The following ATP6V1H variants were observed in gnomAD, a reference collection of about 807,000 sequenced individuals.
The protein encoded by ATP6V1H is ATPase H+ transporting V1 subunit H.
Under a neutral mutation model 71.7 loss-of-function variants are expected in ATP6V1H, and 39 were observed. The observed-to-expected ratio is 0.54, with a 90% CI of 0.42 to 0.71. The LOEUF (loss-of-function observed/expected upper bound fraction) is 0.71. Among genes scored for constraint, ATP6V1H ranks in the 30% least tolerant of loss-of-function variants. The pLI is 0.00. For synonymous variants in ATP6V1H, 192 were observed against 199.3 expected, an observed-to-expected ratio of 0.96 and a Z score of 0.31; for missense variants, 509 against 594.9, an observed-to-expected ratio of 0.86 and a Z score of 1.50.
intron 7 of ATP6V1H, among the ~76,000 whole-genome samples, chr8:53,810,468 G>A (rs774940730): frequency 3.4e-4 from 52 of 152,164 alleles, no homozygotes; most frequent in African/African-American, 1.3e-3. Context: ...AAGGCCTGGC[G>A]TGGTGGCTCA....
At chr8:53,737,434 G>A (rs1184972788) in intron 13 of ATP6V1H, among the ~76,000 whole-genome samples, 2 of 152,174 alleles carry the variant, frequency 1.3e-5, no homozygotes, top group Non-Finnish European at 2.9e-5. Context: ...ACACTGAAAT[G>A]TTTTCTCAGA....
chr8:53,837,626 G>C (rs1045277336), intron 2 of ATP6V1H, among the ~76,000 whole-genome samples: 1 of 152,166 alleles, frequency 6.6e-6, no homozygotes, highest in African/African-American at 2.4e-5. Flanking sequence ...GGTCCAAGGA[G>C]CTGAGGTTTG....
intron 2 of ATP6V1H, among the ~76,000 whole-genome samples, chr8:53,837,907 G>C (rs1196203382): frequency 6.6e-6 from 1 of 152,154 alleles, no homozygotes; most frequent in African/African-American, 2.4e-5. Context: ...AGAATGTGTT[G>C]ATGGGCTGGA....
intron 12 of ATP6V1H, among the ~76,000 whole-genome samples, chr8:53,745,843 T>G (rs1270241602): frequency 6.6e-6 from 1 of 152,234 alleles, no homozygotes; most frequent in Non-Finnish European, 1.5e-5. Context: ...GCTGGGGATG[T>G]GTCCATTAGC....
intron 13 of ATP6V1H, among the ~76,000 whole-genome samples, chr8:53,736,186 A>T (rs1280769505): frequency 6.6e-6 from 1 of 152,300 alleles, no homozygotes; most frequent in African/African-American, 2.4e-5. Flanking sequence ...CTTATATATA[A>T]GTGTCCCCAC....
intron 13 of ATP6V1H, among the ~76,000 whole-genome samples, chr8:53,730,979 T>C (rs2130126343): frequency 6.6e-6 from 1 of 152,154 alleles, no homozygotes; most frequent in South Asian, 2.1e-4. Flanking sequence ...AAAATAAAAA[T>C]CCAAAAAGAA....
At chr8:53,742,444 G>A (rs932426768) in intron 13 of ATP6V1H, among the ~76,000 whole-genome samples, 1 of 152,180 alleles carries the variant, frequency 6.6e-6, no homozygotes, top group Non-Finnish European at 1.5e-5. Context: ...TAATAGAGCT[G>A]TATGGCTGGT....
intron 4 of ATP6V1H, among the ~76,000 whole-genome samples, chr8:53,826,947 G>A (rs1669116162): frequency 6.8e-6 from 1 of 147,844 alleles, no homozygotes. Flanking sequence ...ACGGAATTCT[G>A]TCTCAAAAAA....
chr8:53,755,707 TATATATATATATATATATATATATATA>T (rs1808002447), intron 12 of ATP6V1H, among the ~76,000 whole-genome samples: 1 of 4,320 alleles, frequency 2.3e-4, no homozygotes, highest in African/African-American at 1.0e-3. Context: ...TATATATATA[TATATATATATATATATATATATATATA>T]TATATATATA....
chr8:53,717,105 C>T lies in ATP6V1H; in HGVS notation c.1392-1081G>A, dbSNP rs1171419061. ...TATCGCCTATCAACTGTGTGAGCAT[C>T]GCCAAGAAACCACCTTTGGGGGCCA... On this transcript the variant is annotated intron_variant, in intron 13 of 13. Coordinates refer to ENST00000359530, the MANE Select transcript of ATP6V1H (RefSeq NM_015941.4). 2.0e-5 allele frequency among the ~76,000 whole-genome samples: 3 copies of T among 152,278 alleles called. No individual in the cohort carries two copies. The South Asian group carries it at 6.2e-4, about 32-fold the overall frequency.
At chr8:53,822,903 T>C (rs1032252616) in intron 4 of ATP6V1H, among the ~76,000 whole-genome samples, 3 of 152,180 alleles carry the variant, frequency 2.0e-5, no homozygotes, top group African/African-American at 4.8e-5. Context: ...AGGGACACTT[T>C]TAATGATAAA....
chr8:53,737,856 T>A (rs936642364), intron 13 of ATP6V1H, among the ~76,000 whole-genome samples: 1 of 152,150 alleles, frequency 6.6e-6, no homozygotes, highest in Non-Finnish European at 1.5e-5. Flanking sequence ...CTTAAGACAA[T>A]AGGCTGATAC....
intron 9 of ATP6V1H, among the ~76,000 whole-genome samples, chr8:53,785,852 G>A (rs997434971): frequency 2.5e-4 from 38 of 152,274 alleles, no homozygotes; most frequent in African/African-American, 7.9e-4. Context: ...GCAGAACAGC[G>A]GATATTCGTG....
intron 3 of ATP6V1H, among the ~76,000 whole-genome samples, chr8:53,829,980 T>C (rs1398428069): frequency 6.6e-6 from 1 of 152,118 alleles, no homozygotes; most frequent in East Asian, 1.9e-4. Context: ...TGACAACCTC[T>C]CCATAATTCA....
At chr8:53,766,364 C>A (rs373301412) in intron 11 of ATP6V1H, among the ~76,000 whole-genome samples, 5 of 152,326 alleles carry the variant, frequency 3.3e-5, no homozygotes, top group East Asian at 3.9e-4. Context: ...ATCTCTTAAT[C>A]CTGTCAGTTG....
At chr8:53,807,475 T>C (rs1036412497) in intron 7 of ATP6V1H, among the ~76,000 whole-genome samples, 2 of 151,948 alleles carry the variant, frequency 1.3e-5, no homozygotes, top group Non-Finnish European at 2.9e-5. Context: ...TTCCTCTCAA[T>C]CTAAAATACT....
At chr8:53,725,365 T>C (rs769739696) in intron 13 of ATP6V1H, among the ~76,000 whole-genome samples, 2 of 152,120 alleles carry the variant, frequency 1.3e-5, no homozygotes, top group East Asian at 1.9e-4. Flanking sequence ...CCCCTCAACC[T>C]TGACTTCTCA....
chr8:53,816,357 C>A (rs1401118996), intron 5 of ATP6V1H, among the ~76,000 whole-genome samples: 1 of 152,220 alleles, frequency 6.6e-6, no homozygotes, highest in Non-Finnish European at 1.5e-5. Context: ...ATGCCCCCAA[C>A]AGCTCCTGCC....
At position 53,743,934 on chromosome 8, in the gene ATP6V1H, C is replaced by T. The variant is rs148554090; in HGVS notation, c.1278-244G>A. Among the ~76,000 whole-genome samples the T allele has an allele frequency of 3.8e-3, 573 of 152,226 alleles. 1 individual carries two copies. Among genetic ancestry groups the T allele is most frequent in the Non-Finnish European group, 6.9e-3 (466 of 68,020 alleles). On this transcript the variant is annotated intron_variant, in intron 12 of 13. Transcript: ENST00000359530. ...TCATTTCTCATCTCTAATCCAGAAACATATGATCTGCCTAGATACCACCCA... is the reference window on the plus strand; with the variant it reads ...TCATTTCTCATCTCTAATCCAGAAATATATGATCTGCCTAGATACCACCCA...
Sources: gnomAD v4.1 joint callset for allele counts (sites outside exome capture counted in the v4.1 genomes callset) on GRCh38, gnomAD v4.1.1 for gene constraint, MANE v1.5 for transcripts, NCBI Gene and HGNC (gene_info 2026-07-23, HGNC 2026-07-21) for gene names.